Variants in HPSE2 observed in about 807,000 individuals in gnomAD.
HPSE2 encodes heparanase 2 (inactive), also known as inactive heparanase-2.
A neutral mutation model predicts 60.5 loss-of-function variants in HPSE2; 38 were observed. The ratio of observed to expected loss-of-function variants is 0.63; its 90% CI spans 0.48 to 0.82. The LOEUF (loss-of-function observed/expected upper bound fraction) is 0.82, where lower values mean the gene tolerates loss of function less well. Ranked by LOEUF, HPSE2 falls within the 40% of genes least tolerant of loss-of-function variation. The probability of loss-of-function intolerance (pLI) is 0.00; values close to 1 mark genes in which losing one functional copy is unlikely to be tolerated. For synonymous variants in HPSE2, 295 were observed against 293.2 expected (o/e 1.01, Z -0.06); for missense variants, 713 against 740.4 (o/e 0.96, Z 0.43).
chr10:98,555,776 C>T (rs764735465), intron 9 of HPSE2, among the ~76,000 whole-genome samples: 7 of 152,204 alleles, frequency 4.6e-5, no homozygotes, highest in East Asian at 1.9e-4. Context: ...TCTCCTCTTT[C>T]GAAACCAATT....
chr10:98,733,215 G>A (rs920473138), intron 4 of HPSE2, among the ~76,000 whole-genome samples: 1 of 152,042 alleles, frequency 6.6e-6, no homozygotes, highest in Non-Finnish European at 1.5e-5. Context: ...TGAGTTCCTG[G>A]GCTCAAGTGA....
chr10:98,987,727 T>C (rs926996458), intron 3 of HPSE2, among the ~76,000 whole-genome samples: 2 of 152,204 alleles, frequency 1.3e-5, no homozygotes, highest in South Asian at 2.1e-4. Flanking sequence ...GATGACATGA[T>C]TGTATACCTA....
At chr10:99,165,857 G>T (rs960711589) in intron 2 of HPSE2, among the ~76,000 whole-genome samples, 4 of 152,026 alleles carry the variant, frequency 2.6e-5, no homozygotes, top group Admixed American at 1.3e-4. Flanking sequence ...TGTGGGTTTT[G>T]ACAAGTGCAC....
the HPSE2 span, among the ~76,000 whole-genome samples, chr10:99,253,453 T>C: frequency 6.6e-6 from 1 of 152,210 alleles, no homozygotes; most frequent in Non-Finnish European, 1.5e-5. Flanking sequence ...AGAATGAAAC[T>C]GGACCCCTAC....
At chr10:98,918,029 A>G (rs1020260213) in intron 3 of HPSE2, among the ~76,000 whole-genome samples, 12 of 152,184 alleles carry the variant, frequency 7.9e-5, no homozygotes, top group African/African-American at 2.7e-4. Flanking sequence ...GCGTCATCAC[A>G]TTTCTGTACA....
In HPSE2 at chr10:98,483,694, A is replaced by T. The variant is rs572120595; in HGVS notation, c.1467-912T>A. 4.6e-3 allele frequency among the ~76,000 whole-genome samples: 701 copies of T among 152,340 alleles called. 6 individuals carry two copies. Among genetic ancestry groups the T allele is most frequent in the Middle Eastern group, 0.017 (5 of 294 alleles). ...AGGCAGAAGCTTTAGGACTCAGCCC[A>T]TCTTTTGCCATGTTTCATTTCCCTC... is the stretch of plus-strand genomic sequence containing the variant. On this transcript the variant is annotated intron_variant, in intron 10 of 11. Coordinates refer to ENST00000370552, the MANE Select transcript of HPSE2 (RefSeq NM_021828.5).
chr10:98,960,730 T>TTTTTTTTTTG (rs1955647062), intron 3 of HPSE2, among the ~76,000 whole-genome samples: 2 of 24,782 alleles, frequency 8.1e-5, no homozygotes, highest in East Asian at 7.4e-4. Flanking sequence ...TGTTTTATTT[T>TTTTTTTTTTG]TTTTATTTTA....
At chr10:98,692,761 T>C (rs1025960333) in intron 6 of HPSE2, among the ~76,000 whole-genome samples, 2 of 143,782 alleles carry the variant, frequency 1.4e-5, no homozygotes, top group South Asian at 2.1e-4. Context: ...AGAGCGAGAC[T>C]CTGTCTCAAA....
At chr10:98,935,679 C>A (rs1490421412) in intron 3 of HPSE2, among the ~76,000 whole-genome samples, 1 of 144,156 alleles carries the variant, frequency 6.9e-6, no homozygotes, top group Non-Finnish European at 1.5e-5. Flanking sequence ...CAGAGGGGCA[C>A]TGACCTGATG....
chr10:98,530,113 C>T (rs1943084712), intron 9 of HPSE2, among the ~76,000 whole-genome samples: 1 of 152,116 alleles, frequency 6.6e-6, no homozygotes, highest in Admixed American at 6.5e-5. Context: ...CCCACTGGCT[C>T]CTTTTGGTTT....
Position 99,232,352 on chromosome 10 carries a change from C to T in HPSE2, c.444G>A (p.Glu148=), listed in dbSNP as rs892232653. Residue 148 remains glutamate, a synonymous_variant, in exon 2 of 12, where the codon GAG becomes GAA. Coordinates refer to ENST00000370552, the MANE Select transcript of HPSE2 (RefSeq NM_021828.5). Reference sequence around the variant, plus strand: ...AATGGTAATCAAGTTTCTCACCATCCTCATAGTTTTTGAGATAGTAATCCG... The same window carrying T: ...AATGGTAATCAAGTTTCTCACCATCTTCATAGTTTTTGAGATAGTAATCCG... ...PGPDYYLKNY[E]DDIVRSDVAL... 6.4e-7 allele frequency: 1 copy of T among 1,551,670 alleles called. No individual in the cohort carries two copies. The highest frequency in any genetic ancestry group is 8.7e-7 in the Non-Finnish European group (1 of 1,147,002).
At chr10:99,314,493 G>T in the HPSE2 span, among the ~76,000 whole-genome samples, 1 of 152,058 alleles carries the variant, frequency 6.6e-6, no homozygotes, top group African/African-American at 2.4e-5. Flanking sequence ...TATGTCCACT[G>T]TTTTTTTAAG....
chr10:98,979,685 ATTTGCTAATTCAGTG>A (rs1262251102), intron 3 of HPSE2, among the ~76,000 whole-genome samples: 1 of 152,200 alleles, frequency 6.6e-6, no homozygotes, highest in East Asian at 1.9e-4. Flanking sequence ...ATGGCTCTGT[ATTTGCTAATTCAGTG>A]TTTGCTGCAA....
At chr10:98,841,732 G>A (rs1407778658) in intron 3 of HPSE2, among the ~76,000 whole-genome samples, 1 of 151,952 alleles carries the variant, frequency 6.6e-6, no homozygotes, top group Non-Finnish European at 1.5e-5. Flanking sequence ...TGTTAAGGAT[G>A]TAACAAAAAG....
intron 3 of HPSE2, among the ~76,000 whole-genome samples, chr10:98,801,172 A>G (rs1444556437): frequency 6.6e-6 from 1 of 152,196 alleles, no homozygotes; most frequent in Non-Finnish European, 1.5e-5. Context: ...CCTTCATGAT[A>G]AAACTGTCAA....
At chr10:99,201,716 T>C (rs1400832835) in intron 2 of HPSE2, among the ~76,000 whole-genome samples, 1 of 152,172 alleles carries the variant, frequency 6.6e-6, no homozygotes, top group Non-Finnish European at 1.5e-5. Flanking sequence ...TATCCCTGCC[T>C]TTCCAAATAC....
At chr10:98,841,220 T>G (rs1951905967) in intron 3 of HPSE2, among the ~76,000 whole-genome samples, 2 of 152,192 alleles carry the variant, frequency 1.3e-5, no homozygotes, top group South Asian at 4.1e-4. Flanking sequence ...ATCACACCAC[T>G]GCATCCAGCC....
At chr10:98,563,582 C>G (rs1944253396) in intron 9 of HPSE2, among the ~76,000 whole-genome samples, 1 of 151,664 alleles carries the variant, frequency 6.6e-6, no homozygotes, top group Non-Finnish European at 1.5e-5. Flanking sequence ...TCAAATAAAG[C>G]CATTATAAAA....
intron 11 of HPSE2, among the ~76,000 whole-genome samples, chr10:98,463,762 G>A (rs147559214): frequency 1.5e-3 from 235 of 152,264 alleles, no homozygotes; most frequent in African/African-American, 5.4e-3. Context: ...CTGAGACTGT[G>A]CCACTACACA....
Sources: allele counts gnomAD v4.1 joint callset (sites outside exome capture counted in the v4.1 genomes callset), GRCh38; gene constraint gnomAD v4.1.1; transcripts MANE v1.5; gene names NCBI Gene and HGNC (gene_info 2026-07-23, HGNC 2026-07-21).